PIWIL1: variants seen among roughly 807,000 people sequenced by gnomAD.
The protein encoded by PIWIL1 is piwi-like protein 1.
In PIWIL1, 73 loss-of-function variants were observed where a neutral mutation model predicts 114.4. That is an observed-to-expected ratio of 0.64 (90% CI 0.53 to 0.78). The LOEUF (loss-of-function observed/expected upper bound fraction) is 0.78. Ranked by LOEUF, PIWIL1 falls within the 30% of genes least tolerant of loss-of-function variation. The probability of loss-of-function intolerance (pLI) is 0.00; values close to 1 mark genes in which losing one functional copy is unlikely to be tolerated. For synonymous variants in PIWIL1, 375 were observed against 369.0 expected (o/e 1.02, Z -0.19); for missense variants, 723 against 1,063.1 (o/e 0.68, Z 4.45).
chr12:130,404,145 G>A, the PIWIL1 span, among the ~76,000 whole-genome samples: 4 of 152,108 alleles, frequency 2.6e-5, no homozygotes, highest in Non-Finnish European at 5.9e-5. Flanking sequence ...GGGAACCCAA[G>A]GGAATCGGTT....
At chr12:130,340,660 TTGGTGG>T (rs1181115618) in intron 1 of PIWIL1, among the ~76,000 whole-genome samples, 2 of 94,074 alleles carry the variant, frequency 2.1e-5, no homozygotes, top group African/African-American at 3.7e-5. Context: ...GGGAGGGGGG[TTGGTGG>T]TGGTGGTGGT....
intron 8 of PIWIL1, among the ~76,000 whole-genome samples, 199 bp from the exon 9 acceptor site, chr12:130,349,657 T>C (rs1252462989): frequency 6.6e-6 from 1 of 152,254 alleles, no homozygotes; most frequent in Non-Finnish European, 1.5e-5. Context: ...TTTTAAATTA[T>C]TTTATTTTCT....
At chr12:130,403,473 T>G in the PIWIL1 span, among the ~76,000 whole-genome samples, 1 of 152,240 alleles carries the variant, frequency 6.6e-6, no homozygotes, top group African/African-American at 2.4e-5. Flanking sequence ...GCCCATTGTT[T>G]CTACATGTGA....
the PIWIL1 span, among the ~76,000 whole-genome samples, chr12:130,418,590 A>G: frequency 1.3e-5 from 2 of 152,138 alleles, no homozygotes; most frequent in Non-Finnish European, 2.9e-5. Flanking sequence ...CTCTGGCTAC[A>G]CCATTTTCCA....
rs1017168204 is a variant in PIWIL1, at chr12:130,349,269, C to T, written c.765C>T (p.Ser255=). 2.1e-5 allele frequency: 34 copies of T among 1,613,444 alleles called. No homozygotes were observed. The highest frequency in any genetic ancestry group is 2.8e-5 in the Non-Finnish European group (33 of 1,179,506). The change falls in exon 8 of 21, where the codon TCC becomes TCT. Residue 255 remains serine, a synonymous_variant. Coordinates refer to ENST00000245255, the MANE Select transcript of PIWIL1 (RefSeq NM_004764.5). Reference sequence around the variant, plus strand: ...TGATTTGGCCTGGCTTCACTACTTCCATCCTTCAGTATGAAAACAGCATCA... The same window carrying T: ...TGATTTGGCCTGGCTTCACTACTTCTATCCTTCAGTATGAAAACAGCATCA... ...RLVIWPGFTT[S]ILQYENSIML... is the part of the protein sequence containing the mutation.
intron 2 of PIWIL1, 21 bp downstream of exon 2, chr12:130,342,690 G>T: frequency 6.3e-7 from 1 of 1,581,176 alleles, no homozygotes; most frequent in South Asian, 1.1e-5. Context: ...CACCGTTTCT[G>T]ACTACAGAAA....
intron 2 of PIWIL1, 89 bp downstream of exon 2, chr12:130,342,758 G>A (rs1411591206): frequency 1.9e-5 from 20 of 1,028,816 alleles, no homozygotes; most frequent in Non-Finnish European, 2.8e-5. Flanking sequence ...ACTGTGCTGG[G>A]AAGGATATAG....
chr12:130,404,326 G>T, the PIWIL1 span, among the ~76,000 whole-genome samples: 873 of 152,260 alleles, frequency 5.7e-3, 6 homozygotes, highest in African/African-American at 0.015. Flanking sequence ...TTGAGACGGA[G>T]TTTCACTGTC....
chr12:130,354,846 A>T, intron 10 of PIWIL1, 42 bp from the exon 11 acceptor site: 1 of 1,467,544 alleles, frequency 6.8e-7, no homozygotes. Context: ...AGACCTGATT[A>T]TTATTTCTTT....
At chr12:130,423,643 T>A in the PIWIL1 span, among the ~76,000 whole-genome samples, 32 of 137,902 alleles carry the variant, frequency 2.3e-4, no homozygotes, top group African/African-American at 8.2e-4. Context: ...ACAAGAACTT[T>A]GGAAACAATA....
the PIWIL1 span, chr12:130,399,553 GA>G: frequency 4.7e-5 from 53 of 1,119,840 alleles, no homozygotes; most frequent in Middle Eastern, 2.4e-4. Context: ...TCAGGGCAGA[GA>G]AAAAAAATTC....
At chr12:130,364,466 G>T (rs1052079984) in intron 18 of PIWIL1, among the ~76,000 whole-genome samples, 1 of 152,160 alleles carries the variant, frequency 6.6e-6, no homozygotes. Flanking sequence ...TATCCCAGAC[G>T]TTTCTTAAAA....
chr12:130,418,929 C>A, the PIWIL1 span, among the ~76,000 whole-genome samples: 1 of 152,268 alleles, frequency 6.6e-6, no homozygotes, highest in Non-Finnish European at 1.5e-5. Context: ...AACGAAGGCT[C>A]CTTCCAGAGA....
intron 9 of PIWIL1, 47 bp downstream of exon 9, chr12:130,350,014 G>T: frequency 9.4e-7 from 1 of 1,064,662 alleles, no homozygotes; most frequent in Non-Finnish European, 1.4e-6. Flanking sequence ...AAATATCTTT[G>T]GTAGAATTCT....
At chr12:130,399,940 GAC>G in the PIWIL1 span, 4 of 1,014,364 alleles carry the variant, frequency 3.9e-6, no homozygotes, top group South Asian at 6.6e-5. Context: ...AAAGTGGCAG[GAC>G]TTGAAAGGAC....
chr12:130,358,795 C>T (rs924174294), intron 14 of PIWIL1, among the ~76,000 whole-genome samples: 1 of 152,202 alleles, frequency 6.6e-6, no homozygotes, highest in Admixed American at 6.5e-5. Context: ...TCGCACACTG[C>T]TCTCTAGTAC....
At chr12:130,419,209 C>T in the PIWIL1 span, among the ~76,000 whole-genome samples, 2 of 152,076 alleles carry the variant, frequency 1.3e-5, no homozygotes, top group Non-Finnish European at 2.9e-5. This position sits in a 1 kb window ranked among gnomAD's most constrained non-coding sequence, Gnocchi z 4.3. Context: ...TGATGGCAGG[C>T]GAGACTGAAA....
chr12:130,341,697 C>T (rs1399868818), intron 1 of PIWIL1, among the ~76,000 whole-genome samples: 1 of 152,188 alleles, frequency 6.6e-6, no homozygotes, highest in Non-Finnish European at 1.5e-5. Flanking sequence ...GAGTCACACG[C>T]TATGTTGTTT....
the PIWIL1 span, chr12:130,424,043 G>A: frequency 5.0e-6 from 3 of 594,490 alleles, no homozygotes; most frequent in East Asian, 1.0e-4. This position sits in a 1 kb window ranked among gnomAD's most constrained non-coding sequence, Gnocchi z 9.8. Flanking sequence ...CAGCAAGAGA[G>A]TCCCCAGGGA....
Sources: gnomAD v4.1 joint callset for allele counts (sites outside exome capture counted in the v4.1 genomes callset) on GRCh38, gnomAD v4.1.1 for gene constraint, Gnocchi (gnomAD v3.1) non-coding constraint, MANE v1.5 for transcripts, NCBI Gene and HGNC (gene_info 2026-07-23, HGNC 2026-07-21) for gene names.